Variants in CDH13 observed in about 807,000 individuals in gnomAD.
CDH13 encodes cadherin-13.
In CDH13, 24 loss-of-function variants were observed where a neutral mutation model predicts 63.8. That is an observed-to-expected ratio of 0.38 (90% CI 0.27 to 0.53). The LOEUF is 0.53. Among genes scored for constraint, CDH13 ranks in the 20% least tolerant of loss-of-function variants. CDH13 has a pLI of 0.85. For synonymous variants in CDH13, 503 were observed against 355.3 expected (o/e 1.42, Z -4.67); for missense variants, 1,049 against 903.1 (o/e 1.16, Z -2.07).
intron 3 of CDH13, among the ~76,000 whole-genome samples, chr16:83,057,037 G>A (rs143112628): frequency 6.6e-6 from 1 of 152,122 alleles, no homozygotes; most frequent in Non-Finnish European, 1.5e-5. Flanking sequence ...TGCATTCTCA[G>A]CTCACTGCAA....
chr16:83,571,738 C>T (rs927254485), intron 7 of CDH13, among the ~76,000 whole-genome samples: 1 of 152,196 alleles, frequency 6.6e-6, no homozygotes, highest in African/African-American at 2.4e-5. Flanking sequence ...CTCAATTACT[C>T]CCTCTCTTGT....
chr16:82,942,889 T>C (rs1249271854), intron 2 of CDH13, among the ~76,000 whole-genome samples: 1 of 152,202 alleles, frequency 6.6e-6, no homozygotes, highest in Non-Finnish European at 1.5e-5. Flanking sequence ...TGAGCTATAA[T>C]GTGGTGATGC....
chr16:83,561,960 T>A (rs1055910463), intron 7 of CDH13, among the ~76,000 whole-genome samples: 1 of 152,108 alleles, frequency 6.6e-6, no homozygotes, highest in African/African-American at 2.4e-5. Flanking sequence ...GAGTCACAAA[T>A]TGGAATCCAG....
intron 7 of CDH13, among the ~76,000 whole-genome samples, chr16:83,506,134 A>G (rs901115280): frequency 6.6e-6 from 1 of 152,150 alleles, no homozygotes; most frequent in African/African-American, 2.4e-5. Flanking sequence ...TCCAAGGGAG[A>G]CCATCAGGCC....
intron 5 of CDH13, among the ~76,000 whole-genome samples, chr16:83,242,594 C>A (rs894279013): frequency 1.3e-5 from 2 of 152,110 alleles, no homozygotes; most frequent in Admixed American, 6.5e-5. Context: ...ACATCACTTG[C>A]AAGATTGAAG....
chr16:83,452,103 A>G (rs1442009135), intron 6 of CDH13, among the ~76,000 whole-genome samples: 3 of 152,216 alleles, frequency 2.0e-5, no homozygotes, highest in East Asian at 3.8e-4. Context: ...ATTACAGGAC[A>G]GGAGATACAT....
chr16:83,409,593 G>C (rs1451668653), intron 6 of CDH13, among the ~76,000 whole-genome samples: 1 of 152,220 alleles, frequency 6.6e-6, no homozygotes, highest in Non-Finnish European at 1.5e-5. Context: ...GATCTGTTGA[G>C]TAATCTACCC....
At chr16:82,646,485 C>T (rs777172319) in intron 1 of CDH13, among the ~76,000 whole-genome samples, 10 of 152,148 alleles carry the variant, frequency 6.6e-5, no homozygotes, top group African/African-American at 9.7e-5. Flanking sequence ...TGAGTCACCG[C>T]GCCTGGCCTA....
chr16:83,136,174 TA>T (rs11284544), intron 4 of CDH13, among the ~76,000 whole-genome samples: 38,848 of 139,340 alleles, frequency 0.28, 5,202 homozygotes, highest in South Asian at 0.37. Context: ...CTATAGAAAT[TA>T]AAAAAAAAAA....
At chr16:83,052,635 C>T (rs1237249954) in intron 3 of CDH13, among the ~76,000 whole-genome samples, 1 of 151,892 alleles carries the variant, frequency 6.6e-6, no homozygotes, top group Non-Finnish European at 1.5e-5. Context: ...CAAAAATTAG[C>T]CAGGCATGGT....
intron 1 of CDH13, among the ~76,000 whole-genome samples, chr16:82,698,483 G>T (rs781456094): frequency 2.6e-5 from 4 of 152,242 alleles, no homozygotes; most frequent in East Asian, 1.9e-4. Flanking sequence ...TCAGCCATCA[G>T]TTAGGTGGCT....
chr16:83,719,106 A>G (rs1246612419), intron 10 of CDH13, among the ~76,000 whole-genome samples: 2 of 152,308 alleles, frequency 1.3e-5, no homozygotes, highest in East Asian at 1.9e-4. Flanking sequence ...AAACCAGCCC[A>G]TTCATCTCTT....
At chr16:83,544,202 C>T (rs749420379) in intron 7 of CDH13, among the ~76,000 whole-genome samples, 1 of 152,176 alleles carries the variant, frequency 6.6e-6, no homozygotes, top group African/African-American at 2.4e-5. Context: ...GAGTCTCCAG[C>T]ACTGAGACTG....
At chr16:83,611,537 GT>G (rs529983765) in intron 8 of CDH13, among the ~76,000 whole-genome samples, 1 of 151,050 alleles carries the variant, frequency 6.6e-6, no homozygotes. Flanking sequence ...GTGTTTCTTT[GT>G]TTTTTTCCTT....
intron 5 of CDH13, among the ~76,000 whole-genome samples, chr16:83,230,701 C>T (rs1020493553): frequency 6.6e-6 from 1 of 152,098 alleles, no homozygotes; most frequent in Non-Finnish European, 1.5e-5. Context: ...GCAGGAGAAT[C>T]GTTTGAACCC....
chr16:82,790,165 G>A (rs565073577), intron 1 of CDH13, among the ~76,000 whole-genome samples: 3 of 152,200 alleles, frequency 2.0e-5, no homozygotes, highest in African/African-American at 4.8e-5. Flanking sequence ...GGCCAGGCGC[G>A]GTATCTCATA....
At chr16:83,086,711 C>A (rs1055633314) in intron 3 of CDH13, among the ~76,000 whole-genome samples, 4 of 152,194 alleles carry the variant, frequency 2.6e-5, no homozygotes, top group African/African-American at 7.2e-5. Context: ...GTGCACACCA[C>A]CAGTCTCAAA....
At chr16:83,402,312 C>T (rs574713378) in intron 6 of CDH13, among the ~76,000 whole-genome samples, 3 of 152,186 alleles carry the variant, frequency 2.0e-5, no homozygotes, top group Admixed American at 6.5e-5. Context: ...AGCTCATCCT[C>T]ACCAATTATT....
Position 83,775,043 on chromosome 16 carries a change from C to T in CDH13, c.1682-4925C>T, listed in dbSNP as rs547189351. On this transcript the variant is annotated intron_variant, in intron 11 of 13. Coordinates refer to ENST00000567109, the MANE Select transcript of CDH13 (RefSeq NM_001257.5). Reference sequence around the variant, plus strand: ...ATTATGGTTTAGGGATTATAGCTTGCTTTCATGGTTAAAATGAGAGCCTGT... The same window carrying T: ...ATTATGGTTTAGGGATTATAGCTTGTTTTCATGGTTAAAATGAGAGCCTGT... 2.4e-4 allele frequency among the ~76,000 whole-genome samples: 37 copies of T among 151,948 alleles called. 1 individual carries two copies. The South Asian group carries it at 7.7e-3, about 32-fold the overall frequency.
Sources: gnomAD v4.1 joint callset for allele counts (sites outside exome capture counted in the v4.1 genomes callset) on GRCh38, gnomAD v4.1.1 for gene constraint, MANE v1.5 for transcripts, NCBI Gene and HGNC (gene_info 2026-07-23, HGNC 2026-07-21) for gene names.